RAB3IP: variants seen among roughly 807,000 people sequenced by gnomAD.
RAB3IP encodes RAB3A interacting protein, also known as rab-3A-interacting protein.
In RAB3IP, 36 loss-of-function variants were observed where a neutral mutation model predicts 59.1. The ratio of observed to expected loss-of-function variants is 0.61; its 90% CI spans 0.47 to 0.80. The LOEUF (loss-of-function observed/expected upper bound fraction) is 0.80, where lower values mean the gene tolerates loss of function less well. Ranked by LOEUF, RAB3IP falls within the 30% of genes least tolerant of loss-of-function variation. The probability of loss-of-function intolerance (pLI) is 0.00; values close to 1 mark genes in which losing one functional copy is unlikely to be tolerated. For synonymous variants in RAB3IP, 207 were observed against 191.2 expected (o/e 1.08, Z -0.68); for missense variants, 511 against 536.0 (o/e 0.95, Z 0.46).
chr12:69,759,036 G>A (rs1453336885), intron 3 of RAB3IP, among the ~76,000 whole-genome samples: 1 of 150,848 alleles, frequency 6.6e-6, no homozygotes, highest in African/African-American at 2.4e-5. Flanking sequence ...CTCGCAGAGG[G>A]GGATTTGGCA....
chr12:69,783,213 T>G (rs1875041255), intron 3 of RAB3IP, among the ~76,000 whole-genome samples: 1 of 152,230 alleles, frequency 6.6e-6, no homozygotes, highest in Admixed American at 6.5e-5. Flanking sequence ...CATTTGAAGG[T>G]CTTTCTCCTC....
At chr12:69,759,302 G>A (rs567699471) in intron 3 of RAB3IP, among the ~76,000 whole-genome samples, 45 of 151,424 alleles carry the variant, frequency 3.0e-4, no homozygotes, top group African/African-American at 1.1e-3. Context: ...AGGGTTGGGG[G>A]TAAGGTCATA....
chr12:69,794,418 G>A lies in RAB3IP; in HGVS notation c.607-19G>A, dbSNP rs575642293. The A allele has an allele frequency of 2.5e-6, 4 of 1,592,816 alleles. No homozygotes were observed. The African/African-American group carries it at 5.4e-5, about 21-fold the overall frequency. ...AAATGCTACTTTGTTTCTAAAATTT[G>A]AGATGTTAACTTTTTCAGGAAGCTC... On this transcript the variant is annotated intron_variant, in intron 4 of 10. Coordinates refer to ENST00000247833, the MANE Select transcript of RAB3IP (RefSeq NM_022456.5).
intron 3 of RAB3IP, among the ~76,000 whole-genome samples, chr12:69,764,178 C>T (rs1005438098): frequency 6.6e-6 from 1 of 152,160 alleles, no homozygotes; most frequent in African/African-American, 2.4e-5. Context: ...GGCTGATGTC[C>T]AGAATGGTGT....
chr12:69,746,106 T>C (rs1013431454), intron 1 of RAB3IP, among the ~76,000 whole-genome samples: 3 of 152,198 alleles, frequency 2.0e-5, no homozygotes, highest in Non-Finnish European at 4.4e-5. Flanking sequence ...TCATTCCCAG[T>C]GCATGACCTT....
In RAB3IP at chr12:69,818,599, A is replaced by G. The variant is rs186621571; in HGVS notation, c.*3153A>G. On this transcript the variant is annotated 3_prime_UTR_variant, in exon 11 of 11. Coordinates refer to ENST00000247833, the MANE Select transcript of RAB3IP (RefSeq NM_022456.5). ...ATTTTTAGGAAGGTGTAATGTGTTCACAGAATGGGTGATTATTACATGGCA... is the reference window on the plus strand; with the variant it reads ...ATTTTTAGGAAGGTGTAATGTGTTCGCAGAATGGGTGATTATTACATGGCA... The G allele has an allele frequency of 2.6e-5, 4 of 152,338 alleles. No individual in the cohort carries two copies. The highest frequency in any genetic ancestry group is 3.9e-4 in the East Asian group (2 of 5,190). The allele number at this position is 152,338 out of a possible 1,614,324, so 9.4% of individuals were successfully genotyped here.
At chr12:69,768,293 A>G (rs1872556826) in intron 3 of RAB3IP, among the ~76,000 whole-genome samples, 1 of 151,526 alleles carries the variant, frequency 6.6e-6, no homozygotes, top group Non-Finnish European at 1.5e-5. Context: ...GGTTCAGGCT[A>G]CTGATTCAGG....
chr12:69,752,131 G>A (rs1869425743), intron 1 of RAB3IP, among the ~76,000 whole-genome samples: 1 of 150,128 alleles, frequency 6.7e-6, no homozygotes, highest in African/African-American at 2.4e-5. Context: ...AGCCTCCCAA[G>A]TGGTTAGGAC....
rs1254027580 is a variant in RAB3IP at position 69,759,639 on chromosome 12, G to A, written c.510+2976G>A. ...CCCCCACCTCCCTCCTGGACGGGGC[G>A]GCTGGCTGGGCGGGGGCTGAACCCC... is the stretch of plus-strand genomic sequence containing the variant. On this transcript the variant is annotated intron_variant, in intron 3 of 10. Transcript: ENST00000247833. Among the ~76,000 whole-genome samples the A allele has an allele frequency of 2.4e-3, 320 of 132,004 alleles. 2 individuals are homozygous for A. The highest frequency in any genetic ancestry group is 8.1e-3 in the African/African-American group (292 of 36,236). 86.6% of individuals were successfully genotyped at this position (132,004 alleles called of 152,430 possible). A position where few individuals can be genotyped will look rare whatever the true frequency, so the allele number is the denominator to read the frequency against.
At chr12:69,784,847 C>T in intron 4 of RAB3IP, 32 bp downstream of exon 4, 1 of 1,247,332 alleles carries the variant, frequency 8.0e-7, no homozygotes, top group Non-Finnish European at 1.2e-6. Flanking sequence ...CCAACAGCAA[C>T]ATCTTGACTT....
chr12:69,772,697 C>G (rs949047473), intron 3 of RAB3IP, among the ~76,000 whole-genome samples: 5 of 152,148 alleles, frequency 3.3e-5, no homozygotes. Flanking sequence ...CCATTCTTTT[C>G]CCACATTTTG....
rs372998722 is a variant in RAB3IP, at chr12:69,742,918, A to G, written c.-26+3887A>G. ...TAGGGCAACACGAAATTAGATAACT[A>G]TAGCCGTAAACTGATATTACTTAGA... On this transcript the variant is annotated intron_variant, in intron 1 of 10. Coordinates refer to ENST00000247833, the MANE Select transcript of RAB3IP (RefSeq NM_022456.5). Among the ~76,000 whole-genome samples the G allele has an allele frequency of 4.5e-4, 68 of 152,388 alleles. 3 individuals are homozygous for G. In the South Asian group the frequency reaches 9.9e-3, roughly 22 times the overall value.
chr12:69,795,134 T>A lies in RAB3IP; in HGVS notation c.685-7T>A. The A allele has an allele frequency of 6.2e-7, 1 of 1,609,076 alleles. No individual in the cohort carries two copies. The highest frequency in any genetic ancestry group is 8.5e-7 in the Non-Finnish European group (1 of 1,176,108). On this transcript the variant is annotated splice_polypyrimidine_tract_variant and splice_region_variant and intron_variant, in intron 5 of 10. Transcript: ENST00000247833. ...AATGTATGTGACTATGTTGATTTCT[T>A]TCCAAGATTGATGTACTTCAAGCTG...
Position 69,800,340 on chromosome 12 carries a change from A to G in RAB3IP, c.1017+3A>G. On this transcript the variant is annotated splice_donor_region_variant and intron_variant, in intron 7 of 10. Transcript: ENST00000247833. ...GTTTAACATTCTCAAAAAGTGAGGT[A>G]ATTTTTTTTCATTTTAGTAGGAATT... 6.5e-7 allele frequency: 1 copy of G among 1,548,642 alleles called. No homozygotes were observed.
At chr12:69,796,752 A>C (rs999154469) in intron 6 of RAB3IP, 4 of 455,386 alleles carry the variant, frequency 8.8e-6, no homozygotes, top group Non-Finnish European at 1.6e-5. Flanking sequence ...CTTTAATTCT[A>C]ATTCTTTGGA....
At chr12:69,813,697 T>A (rs1226018161) in intron 10 of RAB3IP, among the ~76,000 whole-genome samples, 8 of 148,008 alleles carry the variant, frequency 5.4e-5, no homozygotes, top group African/African-American at 1.7e-4. Context: ...AATGATAGTT[T>A]AAAAAAAAAA....
rs920709274 is a variant in RAB3IP at position 69,818,846 on chromosome 12, G to C, written c.*3400G>C. 1.3e-5 allele frequency: 2 copies of C among 152,226 alleles called. No homozygotes were observed. Among genetic ancestry groups the C allele is most frequent in the Admixed American group, 6.5e-5 (1 of 15,276 alleles). The allele number at this position is 152,226 out of a possible 1,614,324, so 9.4% of individuals were successfully genotyped here. On this transcript the variant is annotated 3_prime_UTR_variant, in exon 11 of 11. Coordinates refer to ENST00000247833, the MANE Select transcript of RAB3IP (RefSeq NM_022456.5). ...AGGTAGAGGAGGAGCAAATCTATGA[G>C]TAAGTCACTGGTAATGTTTTAGTCC...
At chr12:69,808,322 A>G (rs1009847233) in intron 8 of RAB3IP, among the ~76,000 whole-genome samples, 3 of 152,150 alleles carry the variant, frequency 2.0e-5, no homozygotes, top group Admixed American at 6.5e-5. Context: ...TATGTGGTCA[A>G]CTTTGGAATA....
At position 69,745,266 on chromosome 12, in the gene RAB3IP, A is replaced by C. The variant is rs1352455375; in HGVS notation, c.-26+6235A>C. ...AGTACTTTTACAAACTTTGTTCTTT[A>C]TTTATTTTTTCATTTTAATCTACAT... On this transcript the variant is annotated intron_variant, in intron 1 of 10. Transcript: ENST00000247833. Among the ~76,000 whole-genome samples, 6 of 152,018 alleles carry C rather than the reference A, an allele frequency of 3.9e-5. No individual in the cohort carries two copies. The East Asian group carries it at 9.6e-4, about 24-fold the overall frequency.
Sources: allele counts gnomAD v4.1 joint callset (sites outside exome capture counted in the v4.1 genomes callset), GRCh38; gene constraint gnomAD v4.1.1; transcripts MANE v1.5; gene names NCBI Gene and HGNC (gene_info 2026-07-23, HGNC 2026-07-21).